Variants in GPRASP2 observed in about 807,000 individuals in gnomAD.
GPRASP2 encodes the protein G protein-coupled receptor-associated sorting protein 2.
GPRASP2 carries 10 observed loss-of-function variants against 36.0 expected under a neutral mutation model. That is an observed-to-expected ratio of 0.28 (90% confidence interval 0.17 to 0.47). The LOEUF is 0.47. Ranked by LOEUF, GPRASP2 falls within the 20% of genes least tolerant of loss-of-function variation. The probability of loss-of-function intolerance (pLI) is 0.99; values close to 1 mark genes in which losing one functional copy is unlikely to be tolerated. For missense variants in GPRASP2, 538 were observed against 626.7 expected (o/e 0.86, Z 1.51); for synonymous variants, 219 against 230.5 (o/e 0.95, Z 0.45).
Position 102,717,307 on chromosome X carries a change from G to T in GPRASP2, c.2438G>T (p.Arg813Leu). 9.1e-7 allele frequency: 1 copy of T among 1,099,508 alleles called. No individual in the cohort carries two copies. 90.6% of individuals were successfully genotyped at this position (1,099,508 alleles called of 1,213,427 possible). The change falls in exon 5 of 5, where the codon CGT becomes CTT. Residue 813 changes from arginine (R) to leucine (L), a missense_variant. Arg to Leu is a moderately radical substitution (Grantham distance 102). Coordinates refer to ENST00000483720, the MANE Select transcript of GPRASP2 (RefSeq NM_001004051.4). ...FSLEPLISAF[R>L]EFEELAKQLQ... ...CTTGAGCCGCTTATTTCTGCATTTC[G>T]TGAATTTGAGGAGTTAGCTAAGCAA...
rs754944299 is a variant in GPRASP2, at chrX:102,717,468, T to C, written c.*82T>C. On this transcript the variant is annotated 3_prime_UTR_variant, in exon 5 of 5. Transcript: ENST00000483720. ...GCTTTGGTGTTCACAGTCTGTTTTTTTGTTGTAACTTATATTTTTTAATGC... is the reference window on the plus strand; with the variant it reads ...GCTTTGGTGTTCACAGTCTGTTTTTCTGTTGTAACTTATATTTTTTAATGC... 2 of 987,369 alleles carry C rather than the reference T, an allele frequency of 2.0e-6. No homozygotes were observed. Among genetic ancestry groups the C allele is most frequent in the Non-Finnish European group, 2.6e-6 (2 of 773,792 alleles). 81.4% of individuals were successfully genotyped at this position (987,369 alleles called of 1,213,427 possible).
chrX:102,716,614 G>C lies in GPRASP2; in HGVS notation c.1745G>C (p.Trp582Ser). The C allele has an allele frequency of 8.3e-7, 1 of 1,211,926 alleles. No homozygotes were observed. Among genetic ancestry groups the C allele is most frequent in the Non-Finnish European group, 1.1e-6 (1 of 895,554 alleles). ...AGGGAGAGTGCAGAGTCTGAGAGTT[G>C]GTCCTGCAGCTGCATACAATGTGAG... ...RARESAESES[W>S]SCSCIQCELK... The change falls in exon 5 of 5, where the codon TGG (tryptophan) becomes TCG (serine). Residue 582 changes from tryptophan to serine, a missense_variant. Physicochemically the swap from Trp to Ser is radical, Grantham distance 177. This residue lies in a region of GPRASP2 where 262 missense variants were observed against 351.7 expected (regional missense o/e 0.74). Transcript: ENST00000483720.
Position 102,716,102 on chromosome X carries a change from A to T in GPRASP2, c.1233A>T (p.Pro411=), listed in dbSNP as rs1158901585. The T allele has an allele frequency of 8.4e-7, 1 of 1,190,303 alleles. No homozygotes were observed. The highest frequency in any genetic ancestry group is 1.1e-6 in the Non-Finnish European group (1 of 886,806). Residue 411 remains proline (P), a synonymous_variant, in exon 5 of 5, where the codon CCA becomes CCT. Transcript: ENST00000483720. ...GGASAICESE[P]GTEEGAIGGS... is the part of the protein sequence containing the mutation. ...CTTCAGCAATCTGTGAATCTGAGCC[A>T]GGAACTGAGGAGGGGGCCATTGGCG...
rs1238142331 is a variant in GPRASP2, at chrX:102,716,179, A to G, written c.1310A>G (p.Glu437Gly). Residue 437 changes from glutamate to glycine, a missense_variant, in exon 5 of 5, where the codon GAA becomes GGA. By Grantham distance (98) the Glu-to-Gly change is moderately conservative. Coordinates refer to ENST00000483720, the MANE Select transcript of GPRASP2 (RefSeq NM_001004051.4). ...EKSSLGAVAR[E>G]EAKPESEEEA... ...TCCAGTTTGGGGGCTGTGGCCAGAGAAGAGGCCAAGCCGGAGTCTGAAGAA... is the reference window on the plus strand; with the variant it reads ...TCCAGTTTGGGGGCTGTGGCCAGAGGAGAGGCCAAGCCGGAGTCTGAAGAA... 2.5e-6 allele frequency: 3 copies of G among 1,207,621 alleles called. No homozygotes were observed. Among genetic ancestry groups the G allele is most frequent in the Non-Finnish European group, 2.2e-6 (2 of 894,482 alleles).
At position 102,717,399 on chromosome X, in the gene GPRASP2, C is replaced by A; in HGVS notation, c.*13C>A. Reference sequence around the variant, plus strand: ...ACAACAAAGTTAATATGATTAACCACCTGCCGCTGATCAGCCTTATGTTCC... The same window carrying A: ...ACAACAAAGTTAATATGATTAACCAACTGCCGCTGATCAGCCTTATGTTCC... On this transcript the variant is annotated 3_prime_UTR_variant, in exon 5 of 5. Transcript: ENST00000483720. 1 of 1,054,084 alleles carries A rather than the reference C, an allele frequency of 9.5e-7. No homozygotes were observed. Among genetic ancestry groups the A allele is most frequent in the Non-Finnish European group, 1.2e-6 (1 of 814,519 alleles). The allele number at this position is 1,054,084 out of a possible 1,213,427, so 86.9% of individuals were successfully genotyped here.
Position 102,715,351 on chromosome X carries a change from G to A in GPRASP2, c.482G>A (p.Gly161Glu). 8.2e-7 allele frequency: 1 copy of A among 1,212,436 alleles called. No individual in the cohort carries two copies. Among genetic ancestry groups the A allele is most frequent in the Non-Finnish European group, 1.1e-6 (1 of 895,662 alleles). ...TGGCCACTGGCCACTGCTGAGTCTG[G>A]ATCAGTTACTAAATCTAAGGGCCTG... ...VAWPLATAESGSVTKSKGLSM... is the reference protein window; with the variant it reads ...VAWPLATAESESVTKSKGLSM... The change falls in exon 5 of 5, where the codon GGA (glycine) becomes GAA (glutamate). Residue 161 changes from glycine to glutamate, a missense_variant. Gly to Glu is a moderately conservative substitution (Grantham distance 98). Transcript: ENST00000483720.
At chrX:102,713,041 C>G (rs2081899631) in intron 1 of GPRASP2, 89 bp from the exon 2 acceptor site, 1 of 112,615 alleles carries the variant, frequency 8.9e-6, no homozygotes, top group African/African-American at 3.2e-5. Flanking sequence ...TCCCGATTCC[C>G]GAAAGGGGCC....
rs538885190 is a variant in GPRASP2, at chrX:102,715,252, C to T, written c.383C>T (p.Ala128Val). ...PGARPKDEAQ[A>V]WAQSEFGTEA... is the part of the protein sequence containing the mutation. ...GCAAGGCCCAAGGATGAGGCCCAGG[C>T]ATGGGCCCAGAGTGAATTTGGGACT... Residue 128 changes from alanine to valine, a missense_variant, in exon 5 of 5, where the codon GCA (alanine) becomes GTA (valine). Transcript: ENST00000483720. The T allele has an allele frequency of 1.7e-6, 2 of 1,208,793 alleles. No individual in the cohort carries two copies. The highest frequency in any genetic ancestry group is 3.6e-5 in the African/African-American group (2 of 55,091).
Position 102,716,349 on chromosome X carries a change from G to A in GPRASP2, c.1480G>A (p.Val494Ile). The change falls in exon 5 of 5, where the codon GTC becomes ATC. Residue 494 changes from valine (V) to isoleucine (I), a missense_variant. Physicochemically the swap from Val to Ile is conservative, Grantham distance 29 (BLOSUM62 3). This residue lies in a region of GPRASP2 where 262 missense variants were observed against 351.7 expected (regional missense o/e 0.74). Coordinates refer to ENST00000483720, the MANE Select transcript of GPRASP2 (RefSeq NM_001004051.4). ...ASSRPQTWDE[V>I]TVEFKPGLFH... ...CTCCAGGCCCCAAACCTGGGACGAG[G>A]TCACTGTTGAATTCAAACCTGGTCT... 1 of 1,212,013 alleles carries A rather than the reference G, an allele frequency of 8.3e-7. No individual in the cohort carries two copies. The highest frequency in any genetic ancestry group is 1.8e-5 in the South Asian group (1 of 56,970).
In GPRASP2 at chrX:102,715,961, C is replaced by T; in HGVS notation, c.1092C>T (p.Leu364=). 8.3e-7 allele frequency: 1 copy of T among 1,211,458 alleles called. No individual in the cohort carries two copies. Among genetic ancestry groups the T allele is most frequent in the Non-Finnish European group, 1.1e-6 (1 of 895,474 alleles). ...AAGATCCTAATACTGCCTTGAAACTCAGGGCCCAGAAAGATGTTGACAGTG... is the reference window on the plus strand; with the variant it reads ...AAGATCCTAATACTGCCTTGAAACTTAGGGCCCAGAAAGATGTTGACAGTG... ...DKEDPNTALK[L]RAQKDVDSDR... is the part of the protein sequence containing the mutation. Residue 364 remains leucine (L), a synonymous_variant, in exon 5 of 5, where the codon CTC becomes CTT. Transcript: ENST00000483720.
In GPRASP2 at chrX:102,715,502, G is replaced by C. The variant is rs775842075; in HGVS notation, c.633G>C (p.Arg211Ser). Residue 211 changes from arginine (R) to serine (S), a missense_variant, in exon 5 of 5, where the codon AGG (arginine) becomes AGC (serine). Arg to Ser is a moderately radical substitution (Grantham distance 110, BLOSUM62 -1). Around this residue, in one of 2 missense-constraint regions of GPRASP2, gnomAD observed 276 missense variants for 275.0 expected, o/e 1.00. Coordinates refer to ENST00000483720, the MANE Select transcript of GPRASP2 (RefSeq NM_001004051.4). ...ETNMGSWCYS[R>S]PRAREEASNE... Reference sequence around the variant, plus strand: ...ATATGGGGTCTTGGTGCTATTCCAGGCCCAGGGCCAGAGAGGAGGCCTCTA... The same window carrying C: ...ATATGGGGTCTTGGTGCTATTCCAGCCCCAGGGCCAGAGAGGAGGCCTCTA... 5.0e-6 allele frequency: 6 copies of C among 1,210,620 alleles called. No individual in the cohort carries two copies.
chrX:102,713,428 G>A (rs901299895), intron 2 of GPRASP2, among the ~76,000 whole-genome samples: 1 of 112,631 alleles, frequency 8.9e-6, no homozygotes, highest in African/African-American at 3.2e-5. Context: ...GGGTGATGAG[G>A]GAGACATACT....
In GPRASP2 at chrX:102,716,799, G is replaced by A; in HGVS notation, c.1930G>A (p.Glu644Lys). The A allele has an allele frequency of 1.6e-6, 2 of 1,212,147 alleles. No homozygotes were observed. The highest frequency in any genetic ancestry group is 1.7e-5 in the African/African-American group (1 of 57,893). The change falls in exon 5 of 5, where the codon GAA (glutamate) becomes AAA (lysine). Residue 644 changes from glutamate to lysine, a missense_variant. Coordinates refer to ENST00000483720, the MANE Select transcript of GPRASP2 (RefSeq NM_001004051.4). The part of the protein sequence containing the change: ...IRDSGVVSLI[E>K]TLLNYPSSRV... ...AGATTCAGGTGTTGTCTCACTTATT[G>A]AAACCTTGCTTAATTATCCATCCTC...
chrX:102,717,237 A>G lies in GPRASP2; in HGVS notation c.2368A>G (p.Ile790Val). 1.8e-6 allele frequency: 2 copies of G among 1,110,242 alleles called. No homozygotes were observed. The highest frequency in any genetic ancestry group is 2.4e-6 in the Non-Finnish European group (2 of 845,582). The allele number at this position is 1,110,242 out of a possible 1,213,427, so 91.5% of individuals were successfully genotyped here. A position where few individuals can be genotyped will look rare whatever the true frequency, so the allele number is the denominator to read the frequency against. Reference protein sequence around the residue: ...VIKMFQNISNIIKSGKMSLID... With the variant: ...VIKMFQNISNVIKSGKMSLID... ...TAAAATGTTTCAGAATATCAGTAAC[A>G]TTATAAAAAGTGGAAAGATGTCCTT... The change falls in exon 5 of 5, where the codon ATT becomes GTT. Residue 790 changes from isoleucine (I) to valine (V), a missense_variant. By Grantham distance (29) the Ile-to-Val change is conservative. Around this residue, in one of 2 missense-constraint regions of GPRASP2, gnomAD observed 262 missense variants for 351.7 expected, o/e 0.74. Coordinates refer to ENST00000483720, the MANE Select transcript of GPRASP2 (RefSeq NM_001004051.4).
chrX:102,715,436 G>A lies in GPRASP2; in HGVS notation c.567G>A (p.Gln189=). The A allele has an allele frequency of 8.2e-7, 1 of 1,212,417 alleles. No homozygotes were observed. The highest frequency in any genetic ancestry group is 1.8e-5 in the South Asian group (1 of 57,021). Residue 189 remains glutamine (Q), a synonymous_variant, in exon 5 of 5, where the codon CAG becomes CAA. Coordinates refer to ENST00000483720, the MANE Select transcript of GPRASP2 (RefSeq NM_001004051.4). ...DAETFPGTQG[Q]KGIQPWFGPG... is the part of the protein sequence containing the mutation. ...AAACCTTTCCTGGCACCCAGGGTCA[G>A]AAAGGAATCCAGCCCTGGTTTGGAC...
chrX:102,716,783 T>C lies in GPRASP2; in HGVS notation c.1914T>C (p.Gly638=). Residue 638 remains glycine (G), a synonymous_variant, in exon 5 of 5, where the codon GGT becomes GGC. Coordinates refer to ENST00000483720, the MANE Select transcript of GPRASP2 (RefSeq NM_001004051.4). ...QFTRDFIRDS[G]VVSLIETLLN... is the part of the protein sequence containing the mutation. ...CCCGAGATTTCATTCGAGATTCAGG[T>C]GTTGTCTCACTTATTGAAACCTTGC... The C allele has an allele frequency of 8.2e-7, 1 of 1,212,356 alleles. No homozygotes were observed. Among genetic ancestry groups the C allele is most frequent in the Non-Finnish European group, 1.1e-6 (1 of 895,662 alleles).
At position 102,715,137 on chromosome X, in the gene GPRASP2, G is replaced by A. The variant is rs2081942095; in HGVS notation, c.268G>A (p.Ala90Thr). ...VMGGARPKTE[A>T]QGITGARPKT... ...GGGTGGTGCAAGACCCAAAACGGAG[G>A]CTCAAGGAATCACAGGGGCCAGGCC... Residue 90 changes from alanine to threonine, a missense_variant, in exon 5 of 5, where the codon GCT becomes ACT. Ala to Thr is a moderately conservative substitution (Grantham distance 58). This residue lies in a region of GPRASP2 where 276 missense variants were observed against 275.0 expected (regional missense o/e 1.00). Coordinates refer to ENST00000483720, the MANE Select transcript of GPRASP2 (RefSeq NM_001004051.4). 3.3e-6 allele frequency: 4 copies of A among 1,211,578 alleles called. No homozygotes were observed. The highest frequency in any genetic ancestry group is 4.5e-6 in the Non-Finnish European group (4 of 895,526).
chrX:102,715,333 T>G lies in GPRASP2; in HGVS notation c.464T>G (p.Leu155Arg). 1.6e-6 allele frequency: 2 copies of G among 1,212,513 alleles called. No individual in the cohort carries two copies. Among genetic ancestry groups the G allele is most frequent in the Non-Finnish European group, 1.1e-6 (1 of 895,661 alleles). The stretch of plus-strand genomic sequence containing the variant: ...CAGACTAATGCCGTTGCTTGGCCAC[T>G]GGCCACTGCTGAGTCTGGATCAGTT... Reference protein sequence around the residue: ...VSQTNAVAWPLATAESGSVTK... With the variant: ...VSQTNAVAWPRATAESGSVTK... The change falls in exon 5 of 5, where the codon CTG becomes CGG. Residue 155 changes from leucine to arginine, a missense_variant. Leu to Arg is a moderately radical substitution (Grantham distance 102, BLOSUM62 -2). Around this residue, in one of 2 missense-constraint regions of GPRASP2, gnomAD observed 276 missense variants for 275.0 expected, o/e 1.00. Transcript: ENST00000483720.
In GPRASP2 at chrX:102,715,690, A is replaced by C. The variant is rs1383501732; in HGVS notation, c.821A>C (p.Gln274Pro). The change falls in exon 5 of 5, where the codon CAA (glutamine) becomes CCA (proline). Residue 274 changes from glutamine (Q) to proline (P), a missense_variant. Transcript: ENST00000483720. ...CCCAGGTCCAGGCCCAGATCCAAGC[A>C]AGAAGCCTATGTTGATTCCTGGTCT... ...TNPRSRPRSKQEAYVDSWSGS... is the reference protein window; with the variant it reads ...TNPRSRPRSKPEAYVDSWSGS... 2 of 1,211,987 alleles carry C rather than the reference A, an allele frequency of 1.7e-6. No homozygotes were observed. The highest frequency in any genetic ancestry group is 2.2e-6 in the Non-Finnish European group (2 of 895,576).
Sources: gnomAD v4.1 joint callset for allele counts (sites outside exome capture counted in the v4.1 genomes callset) on GRCh38, gnomAD v4.1.1 for gene constraint, gnomAD v4.1.1 regional missense constraint, MANE v1.5 for transcripts, NCBI Gene and HGNC (gene_info 2026-07-23, HGNC 2026-07-21) for gene names.